The following KANSL3 variants were observed in gnomAD, a reference collection of about 807,000 sequenced individuals.
The protein encoded by KANSL3 is KAT8 regulatory NSL complex subunit 3.
KANSL3 carries 16 observed loss-of-function variants against 89.2 expected under a neutral mutation model. The observed-to-expected ratio is 0.18, with a 90% CI of 0.12 to 0.27. The LOEUF (loss-of-function observed/expected upper bound fraction) is 0.27. Among genes scored for constraint, KANSL3 ranks in the 10% least tolerant of loss-of-function variants. The pLI is 1.00. For synonymous variants in KANSL3, 385 were observed against 419.7 expected (o/e 0.92, Z 1.01); for missense variants, 879 against 1,110.6 (o/e 0.79, Z 2.96).
In KANSL3 at chr2:96,612,838, G is replaced by A; in HGVS notation, c.892C>T (p.Gln298Ter). 1 of 1,565,696 alleles carries A rather than the reference G, an allele frequency of 6.4e-7. No homozygotes were observed. Among genetic ancestry groups the A allele is most frequent in the Non-Finnish European group, 8.7e-7 (1 of 1,155,160 alleles). The change falls in exon 7 of 21, where the codon CAG becomes TAG. Residue 298 changes from glutamine to a stop codon, truncating the protein, a stop_gained. Coordinates refer to ENST00000431828, the MANE Select transcript of KANSL3 (RefSeq NM_001115016.3). LOFTEE classifies it high-confidence loss of function. ...CATACCTTGCCCAAGCAGGACAGCT[G>A]AGATTGCCAGAAGCGGTGGCGGCGT... ...TSRRHRFWQS[Q>*]LSCLGKVIPV...
rs772067032 is a variant in KANSL3 at position 96,612,403 on chromosome 2, G to T, written c.1015-50C>A. The T allele has an allele frequency of 3.7e-6, 6 of 1,601,978 alleles. No individual in the cohort carries two copies. In the East Asian group the frequency reaches 1.3e-4, roughly 36 times the overall value. ...GTAAGACAGGAGGCCAAAGATAGGT[G>T]CAGAACAACCCCAGAATGCTGGGTA... On this transcript the variant is annotated intron_variant, in intron 8 of 20. Transcript: ENST00000431828.
chr2:96,591,592 CTTTG>C (rs1295946047), downstream of KANSL3, among the ~76,000 whole-genome samples: 1 of 152,170 alleles, frequency 6.6e-6, no homozygotes, highest in Non-Finnish European at 1.5e-5. Flanking sequence ...CAGTGTTTTG[CTTTG>C]TTTAAATCCA....
chr2:96,601,627 T>C lies in KANSL3; in HGVS notation c.2616+16A>G, dbSNP rs1343039518. 6.2e-7 allele frequency: 1 copy of C among 1,612,538 alleles called. No individual in the cohort carries two copies. Among genetic ancestry groups the C allele is most frequent in the East Asian group, 2.2e-5 (1 of 44,844 alleles). On this transcript the variant is annotated intron_variant, in intron 20 of 20. Coordinates refer to ENST00000431828, the MANE Select transcript of KANSL3 (RefSeq NM_001115016.3). ...ATAATGAAGCCCATGTCCTCAGTCC[T>C]TCCTGGCAGACTCACCTGTGAGCTG...
rs1432683467 is a variant in KANSL3 at position 96,613,577 on chromosome 2, T to C, written c.706A>G (p.Lys236Glu). 20 of 1,613,210 alleles carry C rather than the reference T, an allele frequency of 1.2e-5. No individual in the cohort carries two copies. The highest frequency in any genetic ancestry group is 1.7e-5 in the Non-Finnish European group (20 of 1,179,604). The change falls in exon 6 of 21, where the codon AAG becomes GAG. Residue 236 changes from lysine (K) to glutamate (E), a missense_variant. This residue lies in a region of KANSL3 where 210 missense variants were observed against 311.9 expected (regional missense o/e 0.67). Transcript: ENST00000431828. ...GCCTCAGCTCCTGCAGCCCCAGTCT[T>C]TGTGTTGGATGACACAAGCATCCGG... ...IDRMLVSSNT[K>E]TGAAGAEALS...
chr2:96,611,903 A>ATATATATGTGTGTGTGTGTGTG, intron 9 of KANSL3, among the ~76,000 whole-genome samples: 1 of 113,328 alleles, frequency 8.8e-6, no homozygotes, highest in East Asian at 2.5e-4. Context: ...ATATACCCAT[A>ATATATATGTGTGTGTGTGTGTG]TGTGTGTGTG....
chr2:96,637,045 C>G lies in KANSL3; in HGVS notation c.91G>C (p.Glu31Gln). 6.4e-7 allele frequency: 1 copy of G among 1,551,672 alleles called. No individual in the cohort carries two copies. The highest frequency in any genetic ancestry group is 8.7e-7 in the Non-Finnish European group (1 of 1,146,990). The change falls in exon 2 of 21, where the codon GAG (glutamate) becomes CAG (glutamine). Residue 31 changes from glutamate (E) to glutamine (Q), a missense_variant. Physicochemically the swap from Glu to Gln is conservative, Grantham distance 29. Transcript: ENST00000431828. ...TGATCCAGAAAAACCAGGTCCAGCT[C>G]CCGTTCATGCACTGAAAGCTGGAAG... ...LLFQLSVHER[E>Q]LDLVFLDHSY...
At chr2:96,595,766 T>C in intron 20 of KANSL3, 135 bp from the exon 21 acceptor site, 2 of 1,034,964 alleles carry the variant, frequency 1.9e-6, no homozygotes, top group South Asian at 1.6e-5. Context: ...AGAAGTTGGA[T>C]ACACAAGGAC....
At chr2:96,592,404 AGGATACTGATCTTT>A, downstream of KANSL3, among the ~76,000 whole-genome samples, 1 of 152,216 alleles carries the variant, frequency 6.6e-6, no homozygotes, top group Non-Finnish European at 1.5e-5. Context: ...GAAGTGCGAA[AGGATACTGATCTTT>A]CAGGATCAAG....
At chr2:96,598,908 CAAAAAAA>C (rs10551331) in intron 20 of KANSL3, among the ~76,000 whole-genome samples, 40 of 44,968 alleles carry the variant, frequency 8.9e-4, no homozygotes, top group Admixed American at 2.7e-3. Flanking sequence ...GAGACTGTCT[CAAAAAAA>C]AAAAAAAAAA....
chr2:96,612,596 A>C (rs374265731), intron 7 of KANSL3, 33 bp from the exon 8 acceptor site: 105 of 1,550,346 alleles, frequency 6.8e-5, no homozygotes, highest in Non-Finnish European at 8.4e-5. Flanking sequence ...ACACCAGCAG[A>C]GGTAAGTTTC....
rs115115617 is a variant in KANSL3 at position 96,614,031 on chromosome 2, G to C, written c.664-412C>G. ...TTTAATATATATGTGCATATGTAAG[G>C]GAGTAGTTTAGTCAACTATCTACCT... On this transcript the variant is annotated intron_variant, in intron 5 of 20. Coordinates refer to ENST00000431828, the MANE Select transcript of KANSL3 (RefSeq NM_001115016.3). 3.9e-3 allele frequency among the ~76,000 whole-genome samples: 600 copies of C among 152,184 alleles called. 5 individuals are homozygous for C. Among genetic ancestry groups the C allele is most frequent in the African/African-American group, 0.014 (570 of 41,496 alleles).
intron 20 of KANSL3, 189 bp downstream of exon 20, chr2:96,601,454 A>G: frequency 7.3e-7 from 1 of 1,372,866 alleles, no homozygotes; most frequent in Non-Finnish European, 9.4e-7. Context: ...AGGGATGTAG[A>G]AGAGGAAGCT....
chr2:96,599,934 A>G (rs1207495945), intron 20 of KANSL3, among the ~76,000 whole-genome samples: 1 of 152,238 alleles, frequency 6.6e-6, no homozygotes, highest in African/African-American at 2.4e-5. Context: ...AGCTGCCCAG[A>G]TATTAGAGGT....
intron 14 of KANSL3, chr2:96,606,736 C>A: frequency 7.3e-6 from 2 of 272,798 alleles, no homozygotes; most frequent in Non-Finnish European, 7.2e-6. Flanking sequence ...AAAGAAAGAA[C>A]CACACTAAGA....
chr2:96,580,958 G>T, the KANSL3 span, among the ~76,000 whole-genome samples: 1 of 152,238 alleles, frequency 6.6e-6, no homozygotes, highest in Admixed American at 6.5e-5. Context: ...GGCCAGGACA[G>T]TGAGACAGAA....
chr2:96,606,480 T>C (rs146163281), intron 14 of KANSL3: 150 of 153,822 alleles, frequency 9.8e-4, no homozygotes, highest in Non-Finnish European at 1.7e-3. Context: ...GGTCCTGGCA[T>C]GAGGCAACAG....
At chr2:96,613,395 G>T in intron 6 of KANSL3, 93 bp downstream of exon 6, 3 of 993,628 alleles carry the variant, frequency 3.0e-6, no homozygotes, top group Non-Finnish European at 4.4e-6. Context: ...ATAATAAATA[G>T]TTAAAGAAGC....
chr2:96,620,757 C>T (rs776473570), intron 3 of KANSL3, among the ~76,000 whole-genome samples: 7 of 152,186 alleles, frequency 4.6e-5, no homozygotes, highest in African/African-American at 7.2e-5. Context: ...AATCCCAGCA[C>T]TTTGGGAGGC....
At chr2:96,632,061 A>G (rs1320690214) in intron 2 of KANSL3, among the ~76,000 whole-genome samples, 1 of 151,990 alleles carries the variant, frequency 6.6e-6, no homozygotes, top group Non-Finnish European at 1.5e-5. Flanking sequence ...TAAATAAATA[A>G]ATGACAAATA....
Sources: gnomAD v4.1 joint callset for allele counts (sites outside exome capture counted in the v4.1 genomes callset) on GRCh38, gnomAD v4.1.1 for gene constraint, gnomAD v4.1.1 regional missense constraint, MANE v1.5 for transcripts, NCBI Gene and HGNC (gene_info 2026-07-23, HGNC 2026-07-21) for gene names.